Variants in DGKB observed in about 807,000 individuals in gnomAD.
DGKB encodes the protein 90 kDa diacylglycerol kinase.
Under a neutral mutation model 114.3 loss-of-function variants are expected in DGKB, and 67 were observed. The ratio of observed to expected loss-of-function variants is 0.59; its 90% CI spans 0.48 to 0.72. The LOEUF is 0.72. DGKB is among the 30% of genes least tolerant of loss of function. DGKB has a pLI of 0.00. For synonymous variants in DGKB, 398 were observed against 323.1 expected, an observed-to-expected ratio of 1.23 and a Z score of -2.49; for missense variants, 907 against 975.2, an observed-to-expected ratio of 0.93 and a Z score of 0.93.
intron 1 of DGKB, among the ~76,000 whole-genome samples, chr7:14,881,542 T>C (rs1854234242): frequency 6.6e-6 from 1 of 152,162 alleles, no homozygotes; most frequent in Non-Finnish European, 1.5e-5. Flanking sequence ...TAAGAGTGTA[T>C]GCAGAACAAT....
rs78674549 is a variant in DGKB at position 14,644,943 on chromosome 7, G to A, written c.1135-14675C>T. On this transcript the variant is annotated intron_variant, in intron 13 of 25. Transcript: ENST00000402815. Reference sequence around the variant, plus strand: ...AGGCAGACAGGGATGGGTCTCCAGTGAAACCCAACCTTCCAGCAAAGGACA... The same window carrying A: ...AGGCAGACAGGGATGGGTCTCCAGTAAAACCCAACCTTCCAGCAAAGGACA... Among the ~76,000 whole-genome samples the A allele has an allele frequency of 6.8e-3, 1,035 of 152,246 alleles. 15 individuals carry two copies. Among genetic ancestry groups the A allele is most frequent in the African/African-American group, 0.022 (923 of 41,544 alleles).
At chr7:14,888,326 AC>A (rs1216214723) in intron 1 of DGKB, among the ~76,000 whole-genome samples, 2 of 151,538 alleles carry the variant, frequency 1.3e-5, no homozygotes, top group African/African-American at 4.8e-5. Flanking sequence ...CATTCCATAC[AC>A]CAGTGTTGAA....
chr7:14,535,349 A>G (rs2128603981), intron 20 of DGKB, among the ~76,000 whole-genome samples: 1 of 150,946 alleles, frequency 6.6e-6, no homozygotes. Context: ...GGCCTGGGTG[A>G]CAGAGTAAGG....
intron 23 of DGKB, among the ~76,000 whole-genome samples, chr7:14,233,728 T>C (rs971228999): frequency 2.0e-5 from 3 of 152,074 alleles, no homozygotes; most frequent in African/African-American, 7.2e-5. Flanking sequence ...ATCTGCATCA[T>C]TGAGAACCAA....
At chr7:14,905,767 T>G (rs1783673157), upstream of DGKB, among the ~76,000 whole-genome samples, 1 of 152,300 alleles carries the variant, frequency 6.6e-6, no homozygotes, top group East Asian at 1.9e-4. Flanking sequence ...CATTCATGCG[T>G]CTCTAGCATC....
rs149581405 is a variant in DGKB, at chr7:14,964,182, C to T, written c.-188+10514G>A. ...TAATATGTGCTAAGGCATAGAGTCA[C>T]AAAATGACATCATATTTTGAAGAGT... On this transcript the variant is annotated intron_variant, in intron 1 of 4. Coordinates refer to the DGKB transcript ENST00000437998. Among the ~76,000 whole-genome samples, 657 of 152,128 alleles carry T rather than the reference C, an allele frequency of 4.3e-3. 6 individuals are homozygous for T. Among genetic ancestry groups the T allele is most frequent in the African/African-American group, 0.015 (607 of 41,510 alleles).
chr7:14,524,253 G>C (rs188902299), intron 20 of DGKB, among the ~76,000 whole-genome samples: 3 of 152,142 alleles, frequency 2.0e-5, no homozygotes, highest in East Asian at 3.9e-4. Flanking sequence ...TCCTGGAAAA[G>C]AGTATTCATA....
chr7:14,420,777 C>T (rs1826538540), intron 21 of DGKB, among the ~76,000 whole-genome samples: 1 of 152,008 alleles, frequency 6.6e-6, no homozygotes, highest in Admixed American at 6.6e-5. Flanking sequence ...TAACTAAATC[C>T]TTATCTGGCT....
At chr7:14,343,590 T>C (rs1161640476) in intron 22 of DGKB, among the ~76,000 whole-genome samples, 1 of 151,724 alleles carries the variant, frequency 6.6e-6, no homozygotes, top group Non-Finnish European at 1.5e-5. Flanking sequence ...CTTTTAAATC[T>C]GTGCTCAAGG....
intron 1 of DGKB, among the ~76,000 whole-genome samples, chr7:14,960,237 G>A (rs955419338): frequency 1.2e-4 from 18 of 152,134 alleles, no homozygotes; most frequent in African/African-American, 3.6e-4. Flanking sequence ...AGTTTACTTT[G>A]AAAATTTTGC....
At chr7:14,208,570 C>T (rs1236229003) in intron 23 of DGKB, among the ~76,000 whole-genome samples, 1 of 151,904 alleles carries the variant, frequency 6.6e-6, no homozygotes, top group Non-Finnish European at 1.5e-5. Context: ...CTGTGTTATG[C>T]ATTGATATTT....
At chr7:14,314,298 C>G (rs1281368797) in intron 23 of DGKB, among the ~76,000 whole-genome samples, 1 of 152,094 alleles carries the variant, frequency 6.6e-6, no homozygotes, top group Non-Finnish European at 1.5e-5. Flanking sequence ...CTTTGACGAG[C>G]TGAGAGAAGA....
chr7:14,336,612 A>G (rs1401858543), intron 23 of DGKB, among the ~76,000 whole-genome samples: 1 of 152,196 alleles, frequency 6.6e-6, no homozygotes, highest in Non-Finnish European at 1.5e-5. Context: ...AGAAAGCAAG[A>G]AGACAGAAAG....
intron 21 of DGKB, among the ~76,000 whole-genome samples, chr7:14,464,910 C>A (rs891964481): frequency 2.0e-5 from 3 of 152,160 alleles, no homozygotes; most frequent in Admixed American, 6.5e-5. Flanking sequence ...ATGACACCAC[C>A]ATGCCCCTGC....
chr7:14,916,238 T>C (rs971627931), intron 1 of DGKB, among the ~76,000 whole-genome samples: 7 of 150,702 alleles, frequency 4.6e-5, no homozygotes, highest in African/African-American at 1.7e-4. Flanking sequence ...AATATAATCA[T>C]ATGAAATAGT....
intron 1 of DGKB, among the ~76,000 whole-genome samples, chr7:14,948,033 T>G (rs1329525972): frequency 6.6e-6 from 1 of 151,740 alleles, no homozygotes; most frequent in African/African-American, 2.4e-5. Context: ...AATGGTTATA[T>G]TTTCACAAAT....
chr7:14,271,324 C>T (rs563976779), intron 23 of DGKB, among the ~76,000 whole-genome samples: 28 of 152,162 alleles, frequency 1.8e-4, no homozygotes, highest in Admixed American at 1.4e-3. Context: ...TGTCTTTGAA[C>T]ATCCAAGGCC....
chr7:14,544,722 G>A (rs777840767), intron 20 of DGKB, among the ~76,000 whole-genome samples: 41 of 152,276 alleles, frequency 2.7e-4, no homozygotes, highest in Non-Finnish European at 4.6e-4. Context: ...CTGGATAATA[G>A]TAATGATAAT....
intron 1 of DGKB, among the ~76,000 whole-genome samples, chr7:14,891,708 C>A (rs1414795236): frequency 3.3e-5 from 5 of 151,310 alleles, no homozygotes; most frequent in Admixed American, 2.6e-4. Flanking sequence ...TGCCTCAATG[C>A]TAGTACCCAA....
Sources: gnomAD v4.1 joint callset for allele counts (sites outside exome capture counted in the v4.1 genomes callset) on GRCh38, gnomAD v4.1.1 for gene constraint, MANE v1.5 for transcripts, NCBI Gene and HGNC (gene_info 2026-07-23, HGNC 2026-07-21) for gene names.